MAGI1: variants seen among roughly 807,000 people sequenced by gnomAD.
MAGI1 encodes the protein membrane-associated guanylate kinase, WW and PDZ domain-containing protein 1.
A neutral mutation model predicts 139.9 loss-of-function variants in MAGI1; 58 were observed. That is an observed-to-expected ratio of 0.41 (90% CI 0.34 to 0.52). The LOEUF (loss-of-function observed/expected upper bound fraction) is 0.52. Among genes scored for constraint, MAGI1 ranks in the 20% least tolerant of loss-of-function variants. MAGI1 has a pLI of 0.12. For missense variants in MAGI1, 1,874 were observed against 1,901.6 expected, an observed-to-expected ratio of 0.99 and a Z score of 0.27; for synonymous variants, 812 against 737.9, an observed-to-expected ratio of 1.10 and a Z score of -1.63.
chr3:65,667,071 G>C (rs1008649297), intron 1 of MAGI1, among the ~76,000 whole-genome samples: 3 of 152,172 alleles, frequency 2.0e-5, no homozygotes, highest in Non-Finnish European at 4.4e-5. Flanking sequence ...GAGTGAAAAT[G>C]GCATTCCTTC....
At chr3:65,750,601 C>G (rs2036066026) in intron 1 of MAGI1, among the ~76,000 whole-genome samples, 1 of 152,220 alleles carries the variant, frequency 6.6e-6, no homozygotes, top group South Asian at 2.1e-4. Flanking sequence ...TCAAATTTTG[C>G]TGTGTAAATC....
At chr3:65,533,186 G>T (rs1486761489) in intron 2 of MAGI1, among the ~76,000 whole-genome samples, 1 of 152,170 alleles carries the variant, frequency 6.6e-6, no homozygotes. Context: ...CCAAATCCTG[G>T]GTGGTTTTCC....
chr3:65,862,727 A>G (rs996734273), intron 1 of MAGI1, among the ~76,000 whole-genome samples: 3 of 152,236 alleles, frequency 2.0e-5, no homozygotes, highest in Non-Finnish European at 4.4e-5. Context: ...TGGAAACCAC[A>G]TGCTGCAGAT....
In MAGI1 at chr3:65,596,236, C is replaced by T. The variant is rs1323551666; in HGVS notation, c.430+25736G>A. Among the ~76,000 whole-genome samples the T allele has an allele frequency of 3.9e-5, 6 of 152,262 alleles. No individual in the cohort carries two copies. In the East Asian group the frequency reaches 1.2e-3, roughly 29 times the overall value. ...AGAACCCCAAAGACAGTATGTCATT[C>T]CGTGGGTTACCATGTGCATATGGAA... On this transcript the variant is annotated intron_variant, in intron 2 of 22. Transcript: ENST00000402939.
At chr3:65,408,621 T>TA (rs1198545715) in intron 12 of MAGI1, among the ~76,000 whole-genome samples, 1 of 152,030 alleles carries the variant, frequency 6.6e-6, no homozygotes, top group Non-Finnish European at 1.5e-5. Context: ...GCAACCCTTC[T>TA]AAAAAAAAGC....
chr3:65,367,773 G>A (rs7634490), intron 18 of MAGI1, among the ~76,000 whole-genome samples: 146,899 of 152,324 alleles, frequency 0.96, 71,044 homozygotes, highest in East Asian at 1. Context: ...TTTGGTTTAC[G>A]TAGGAATCAT....
chr3:65,374,930 T>C (rs1342453493), intron 18 of MAGI1, among the ~76,000 whole-genome samples: 1 of 152,190 alleles, frequency 6.6e-6, no homozygotes, highest in East Asian at 1.9e-4. Context: ...ATCCAAAAAT[T>C]AGGGAAAATC....
intron 12 of MAGI1, among the ~76,000 whole-genome samples, chr3:65,411,397 C>T (rs1452010327): frequency 1.3e-5 from 2 of 152,168 alleles, no homozygotes; most frequent in African/African-American, 4.8e-5. Context: ...AGCTCATTCA[C>T]AGAGGTCTCC....
chr3:65,573,179 AAAAC>A (rs911244385), intron 2 of MAGI1, among the ~76,000 whole-genome samples: 2 of 152,160 alleles, frequency 1.3e-5, no homozygotes, highest in Non-Finnish European at 2.9e-5. Context: ...AATCAAAATA[AAAAC>A]AAACTGCACA....
intron 12 of MAGI1, chr3:65,401,829 T>A (rs58137985): frequency 0.31 from 400,485 of 1,272,286 alleles, 64,826 homozygotes; most frequent in East Asian, 0.52. Context: ...TAAGTCCAGG[T>A]TATTTCCTTT....
intron 17 of MAGI1, among the ~76,000 whole-genome samples, chr3:65,378,357 C>G (rs1942732930): frequency 6.6e-6 from 1 of 152,016 alleles, no homozygotes; most frequent in Non-Finnish European, 1.5e-5. Flanking sequence ...AGATTTTAAC[C>G]AGACTTTAAA....
At chr3:65,753,224 C>A (rs558917583) in intron 1 of MAGI1, among the ~76,000 whole-genome samples, 1 of 152,126 alleles carries the variant, frequency 6.6e-6, no homozygotes, top group African/African-American at 2.4e-5. Flanking sequence ...ATTGCAAATA[C>A]ACACACTCAG....
chr3:65,918,048 T>G (rs1032928211), intron 1 of MAGI1, among the ~76,000 whole-genome samples: 5 of 152,196 alleles, frequency 3.3e-5, no homozygotes, highest in African/African-American at 9.6e-5. Flanking sequence ...TAGGAAATCT[T>G]TGTACCTTCC....
intron 1 of MAGI1, among the ~76,000 whole-genome samples, chr3:65,867,258 C>T (rs1247426939): frequency 6.6e-6 from 1 of 152,226 alleles, no homozygotes; most frequent in Non-Finnish European, 1.5e-5. Flanking sequence ...TGGGCTGCTA[C>T]TACCTGAGGG....
At chr3:65,735,300 TG>T (rs533790770) in intron 1 of MAGI1, among the ~76,000 whole-genome samples, 2 of 151,964 alleles carry the variant, frequency 1.3e-5, no homozygotes, top group Non-Finnish European at 1.5e-5. Context: ...TAAGGATTTT[TG>T]GGGGGGTTCT....
At chr3:65,987,164 G>A (rs986777233) in intron 1 of MAGI1, among the ~76,000 whole-genome samples, 11 of 152,218 alleles carry the variant, frequency 7.2e-5, no homozygotes, top group African/African-American at 2.6e-4. Context: ...TACCGCGCCT[G>A]GCCTAAAGAA....
rs5849703 is a variant in MAGI1 at position 65,950,126 on chromosome 3, G to GTTT, written c.313+87867_313+87869dup. Among the ~76,000 whole-genome samples the GTTT allele has an allele frequency of 4.0e-3, 414 of 102,370 alleles. 8 individuals carry two copies. The highest frequency in any genetic ancestry group is 0.017 in the South Asian group (45 of 2,680). 67.2% of individuals were successfully genotyped at this position (102,370 alleles called of 152,430 possible). ...AAAAAACAGAACTAGCAATATTACT[G>GTTT]TTTTTTTTTTTTTTACTTTACAGCT... On this transcript the variant is annotated intron_variant, in intron 1 of 22. Coordinates refer to ENST00000402939, the MANE Select transcript of MAGI1 (RefSeq NM_001033057.2).
intron 2 of MAGI1, among the ~76,000 whole-genome samples, chr3:65,592,310 A>G (rs1343496188): frequency 9.8e-5 from 15 of 152,328 alleles, no homozygotes; most frequent in Middle Eastern, 3.4e-3. Flanking sequence ...TGTAAAGACA[A>G]TAAGAAAAGT....
intron 1 of MAGI1, among the ~76,000 whole-genome samples, chr3:65,813,823 A>G (rs2041434003): frequency 6.6e-6 from 1 of 152,338 alleles, no homozygotes; most frequent in Non-Finnish European, 1.5e-5. Flanking sequence ...TCCCTGAAAT[A>G]TAACACACAT....
Sources: gnomAD v4.1 joint callset for allele counts (sites outside exome capture counted in the v4.1 genomes callset) on GRCh38, gnomAD v4.1.1 for gene constraint, MANE v1.5 for transcripts, NCBI Gene and HGNC (gene_info 2026-07-23, HGNC 2026-07-21) for gene names.